GEMIN5: variants seen among roughly 807,000 people sequenced by gnomAD.
The protein encoded by GEMIN5 is gem-associated protein 5.
A neutral mutation model predicts 176.9 loss-of-function variants in GEMIN5; 124 were observed. The ratio of observed to expected loss-of-function variants is 0.70; its 90% confidence interval spans 0.61 to 0.81. The LOEUF is 0.81. GEMIN5 is among the 40% of genes least tolerant of loss of function. The probability of loss-of-function intolerance (pLI) is 0.00; values close to 1 mark genes in which losing one functional copy is unlikely to be tolerated. For synonymous variants in GEMIN5, 673 were observed against 665.2 expected (o/e 1.01, Z -0.18); for missense variants, 1,843 against 1,814.6 (o/e 1.02, Z -0.28).
At position 154,925,861 on chromosome 5, in the gene GEMIN5, C is replaced by A; in HGVS notation, c.1293+1G>T. The A allele has an allele frequency of 6.4e-7, 1 of 1,572,366 alleles. No homozygotes were observed. On this transcript the variant is annotated splice_donor_variant, in intron 8 of 27. Transcript: ENST00000285873. LOFTEE classifies it high-confidence loss of function. Reference sequence around the variant, plus strand: ...AACAAGCTCAAAAAAAGAATCCTTACCGCTGTAACCTTGGACTTCACGCCT... The same window carrying A: ...AACAAGCTCAAAAAAAGAATCCTTAACGCTGTAACCTTGGACTTCACGCCT...
In GEMIN5 at chr5:154,938,178, C is replaced by T. The variant is rs753944677; in HGVS notation, c.-45G>A. The T allele has an allele frequency of 1.4e-5, 18 of 1,313,012 alleles. No individual in the cohort carries two copies. Among genetic ancestry groups the T allele is most frequent in the East Asian group, 8.8e-5 (3 of 34,062 alleles). 81.3% of individuals were successfully genotyped at this position (1,313,012 alleles called of 1,614,324 possible). A position where few individuals can be genotyped will look rare whatever the true frequency, so the allele number is the denominator to read the frequency against. ...CAAGAGAAGCTGCCACAGCCGACCGCTCGTAGCCTCACGCCTTAGGTAGGG... is the reference window on the plus strand; with the variant it reads ...CAAGAGAAGCTGCCACAGCCGACCGTTCGTAGCCTCACGCCTTAGGTAGGG... On this transcript the variant is annotated 5_prime_UTR_variant, in exon 1 of 28. Transcript: ENST00000285873.
chr5:154,905,970 C>T (rs1325826739), intron 16 of GEMIN5, among the ~76,000 whole-genome samples: 2 of 151,720 alleles, frequency 1.3e-5, no homozygotes, highest in African/African-American at 2.4e-5. Context: ...GGATTACAGG[C>T]GTGAGCCACC....
chr5:154,900,949 C>T (rs577791857), intron 21 of GEMIN5, among the ~76,000 whole-genome samples: 4 of 152,270 alleles, frequency 2.6e-5, no homozygotes, highest in African/African-American at 9.6e-5. Flanking sequence ...AAAGATCAAG[C>T]TGATACACAA....
chr5:154,890,531 G>A (rs887125476), intron 26 of GEMIN5, among the ~76,000 whole-genome samples: 3 of 147,104 alleles, frequency 2.0e-5, no homozygotes, highest in African/African-American at 7.6e-5. Flanking sequence ...TGGCATGATC[G>A]TATCTCACTA....
rs187651026 is a variant in GEMIN5, at chr5:154,929,998, T to C, written c.782-1339A>G. Among the ~76,000 whole-genome samples, 500 of 152,362 alleles carry C rather than the reference T, an allele frequency of 3.3e-3. 5 individuals are homozygous for C. Among genetic ancestry groups the C allele is most frequent in the African/African-American group, 0.012 (484 of 41,588 alleles). On this transcript the variant is annotated intron_variant, in intron 5 of 27. Coordinates refer to ENST00000285873, the MANE Select transcript of GEMIN5 (RefSeq NM_015465.5). ...TAAATTTCTCTTCAAAGAATCAATA[T>C]GTCAGTATGTTCAATTATTTGGCTT...
Position 154,896,343 on chromosome 5 carries a change from C to T in GEMIN5, c.3346G>A (p.Gly1116Ser). ...AGAAGGCAAAACACCAATCTCTGAC[C>T]CTGGAACACGACAACAAGGAAGAGG... is the stretch of plus-strand genomic sequence containing the variant. ...EALQLHESLQ[G>S]QRLVFCLLEL... Residue 1116 changes from glycine to serine, a missense_variant and splice_region_variant, in exon 24 of 28, where the codon GGT becomes AGT. Physicochemically the swap from Gly to Ser is moderately conservative, Grantham distance 56 (BLOSUM62 0). Coordinates refer to ENST00000285873, the MANE Select transcript of GEMIN5 (RefSeq NM_015465.5). 6.4e-7 allele frequency: 1 copy of T among 1,566,464 alleles called. No individual in the cohort carries two copies. The highest frequency in any genetic ancestry group is 1.2e-5 in the South Asian group (1 of 83,362).
intron 8 of GEMIN5, among the ~76,000 whole-genome samples, chr5:154,925,599 C>T (rs926685970): frequency 5.3e-5 from 8 of 152,134 alleles, no homozygotes; most frequent in Admixed American, 2.6e-4. Context: ...TAACTTAACG[C>T]ATTTTCTATG....
chr5:154,929,625 T>C (rs918451876), intron 5 of GEMIN5, among the ~76,000 whole-genome samples: 1 of 152,238 alleles, frequency 6.6e-6, no homozygotes, highest in African/African-American at 2.4e-5. Flanking sequence ...CAACCACAAT[T>C]GAAGGCCATT....
chr5:154,931,690 T>C lies in GEMIN5; in HGVS notation c.662-113A>G. The C allele has an allele frequency of 7.3e-6, 6 of 818,360 alleles. No homozygotes were observed. The South Asian group carries it at 7.7e-5, about 10-fold the overall frequency. 50.7% of individuals were successfully genotyped at this position (818,360 alleles called of 1,614,324 possible). The stretch of plus-strand genomic sequence containing the variant: ...AGCTATCTCTTTCATAGGTCTGAAC[T>C]ATAAAATTTGAAGTTTTAGGTATAA... On this transcript the variant is annotated intron_variant, in intron 4 of 27. Transcript: ENST00000285873.
chr5:154,923,730 A>G (rs1460030641), intron 9 of GEMIN5, among the ~76,000 whole-genome samples: 4 of 152,236 alleles, frequency 2.6e-5, no homozygotes, highest in Admixed American at 2.6e-4. Context: ...GGTCTAGAAC[A>G]GTGTTGTTCA....
At position 154,932,340 on chromosome 5, in the gene GEMIN5, C is replaced by T. The variant is rs572561804; in HGVS notation, c.510-90G>A. 6.7e-6 allele frequency: 6 copies of T among 889,698 alleles called. No homozygotes were observed. The Admixed American group carries it at 1.4e-4, about 21-fold the overall frequency. 55.1% of individuals were successfully genotyped at this position (889,698 alleles called of 1,614,324 possible). On this transcript the variant is annotated intron_variant, in intron 3 of 27. Transcript: ENST00000285873. The stretch of plus-strand genomic sequence containing the variant: ...TTTTGGCTTGGAGTTACCATTGGCG[C>T]ATTCCTTAAAGTTAGGTGCATTTGG...
intron 24 of GEMIN5, 143 bp downstream of exon 24, chr5:154,895,947 GGA>G: frequency 1.2e-6 from 1 of 801,266 alleles, no homozygotes; most frequent in Non-Finnish European, 2.0e-6. Flanking sequence ...TAGTCTAAAG[GGA>G]TCTTTCCAGG....
At chr5:154,898,723 A>G in intron 22 of GEMIN5, 73 bp from the exon 23 acceptor site, 2 of 1,204,924 alleles carry the variant, frequency 1.7e-6, no homozygotes, top group Non-Finnish European at 2.4e-6. Flanking sequence ...GGATGGAATC[A>G]TTTCTTTCTA....
At chr5:154,923,877 G>A (rs1405766408) in intron 9 of GEMIN5, among the ~76,000 whole-genome samples, 1 of 152,124 alleles carries the variant, frequency 6.6e-6, no homozygotes, top group Non-Finnish European at 1.5e-5. Flanking sequence ...GAACAACACA[G>A]GTCTGGATTC....
intron 27 of GEMIN5, among the ~76,000 whole-genome samples, chr5:154,889,038 G>A (rs754141895): frequency 4.0e-5 from 6 of 151,804 alleles, no homozygotes; most frequent in South Asian, 4.2e-4. Flanking sequence ...CCCCACGCCC[G>A]GCTAATATTT....
At chr5:154,893,255 TAA>T (rs70981957) in intron 24 of GEMIN5, among the ~76,000 whole-genome samples, 3 of 85,672 alleles carry the variant, frequency 3.5e-5, no homozygotes, top group Non-Finnish European at 2.1e-5. Flanking sequence ...AGCCCGTCTC[TAA>T]AAAAAAAAAA....
chr5:154,889,865 A>G (rs1041830141), intron 26 of GEMIN5, among the ~76,000 whole-genome samples: 1 of 152,232 alleles, frequency 6.6e-6, no homozygotes, highest in Non-Finnish European at 1.5e-5. Context: ...TTATCCATTC[A>G]TCTGTCAGTG....
chr5:154,917,699 A>G (rs1037618155), intron 12 of GEMIN5, among the ~76,000 whole-genome samples: 1 of 152,232 alleles, frequency 6.6e-6, no homozygotes, highest in African/African-American at 2.4e-5. Context: ...GAGGGACAAG[A>G]CAGCCAAAAT....
intron 16 of GEMIN5, among the ~76,000 whole-genome samples, chr5:154,907,026 T>A (rs1014828539): frequency 1.3e-5 from 2 of 152,222 alleles, no homozygotes; most frequent in African/African-American, 4.8e-5. Context: ...CCTAACAGTT[T>A]TTTTGTTAGT....
Sources: gnomAD v4.1 joint callset for allele counts (sites outside exome capture counted in the v4.1 genomes callset) on GRCh38, gnomAD v4.1.1 for gene constraint, MANE v1.5 for transcripts, NCBI Gene and HGNC (gene_info 2026-07-23, HGNC 2026-07-21) for gene names.